Variants in XKR6 observed in about 807,000 individuals in gnomAD.
XKR6 encodes XK-related protein 6.
A neutral mutation model predicts 56.7 loss-of-function variants in XKR6; 22 were observed. The observed-to-expected ratio is 0.39, with a 90% confidence interval of 0.28 to 0.55. The LOEUF is 0.55. Among genes scored for constraint, XKR6 ranks in the 20% least tolerant of loss-of-function variants. The probability of loss-of-function intolerance (pLI) is 0.66; values close to 1 mark genes in which losing one functional copy is unlikely to be tolerated. For missense variants in XKR6, 852 were observed against 889.0 expected, an observed-to-expected ratio of 0.96 and a Z score of 0.53; for synonymous variants, 524 against 387.8, an observed-to-expected ratio of 1.35 and a Z score of -4.13.
At chr8:10,903,412 AC>A (rs922044182) in intron 2 of XKR6, among the ~76,000 whole-genome samples, 1 of 152,062 alleles carries the variant, frequency 6.6e-6, no homozygotes, top group Non-Finnish European at 1.5e-5. Context: ...CCAACTGTGC[AC>A]CTGGTTGTCC....
intron 1 of XKR6, among the ~76,000 whole-genome samples, chr8:10,992,201 A>G (rs150350052): frequency 7.4e-4 from 112 of 152,336 alleles, no homozygotes; most frequent in African/African-American, 2.3e-3. Flanking sequence ...GGAGGTTACA[A>G]CAAATTAATA....
chr8:10,966,932 T>A (rs1802243543), intron 1 of XKR6, among the ~76,000 whole-genome samples: 3 of 152,102 alleles, frequency 2.0e-5, no homozygotes. Context: ...CTCAGTCATC[T>A]TTCAATCTCC....
At chr8:11,154,267 A>T (rs1286308160) in intron 1 of XKR6, among the ~76,000 whole-genome samples, 1 of 152,196 alleles carries the variant, frequency 6.6e-6, no homozygotes, top group Non-Finnish European at 1.5e-5. Context: ...GCAATCAATC[A>T]ATCAAACATG....
intron 2 of XKR6, among the ~76,000 whole-genome samples, chr8:10,911,705 TAG>T (rs923022787): frequency 2.9e-4 from 42 of 146,414 alleles, no homozygotes; most frequent in East Asian, 1.8e-3. Flanking sequence ...TATACACATG[TAG>T]AGAGAGAGAG....
At chr8:11,133,930 G>C (rs1800247928) in intron 1 of XKR6, among the ~76,000 whole-genome samples, 1 of 152,108 alleles carries the variant, frequency 6.6e-6, no homozygotes, top group African/African-American at 2.4e-5. Context: ...CTTTGTCTAT[G>C]GTGCTATTCA....
chr8:11,186,570 G>C (rs76887366), intron 1 of XKR6, among the ~76,000 whole-genome samples: 1 of 152,144 alleles, frequency 6.6e-6, no homozygotes, highest in Non-Finnish European at 1.5e-5. Flanking sequence ...TGTAGAGACA[G>C]GGTCTGCCTA....
chr8:10,995,578 C>A (rs188437442), intron 1 of XKR6, among the ~76,000 whole-genome samples: 3 of 150,300 alleles, frequency 2.0e-5, no homozygotes, highest in African/African-American at 7.4e-5. Flanking sequence ...GTCCCAGCTA[C>A]TTGGGAAGCT....
intron 1 of XKR6, among the ~76,000 whole-genome samples, chr8:11,038,024 T>TAA (rs34286744): frequency 1.8e-3 from 239 of 132,472 alleles, no homozygotes; most frequent in African/African-American, 5.8e-3. Context: ...CAGATATATC[T>TAA]AAAAAAAAAA....
At chr8:11,168,009 G>C (rs1433358179) in intron 1 of XKR6, among the ~76,000 whole-genome samples, 1 of 151,556 alleles carries the variant, frequency 6.6e-6, no homozygotes, top group Non-Finnish European at 1.5e-5. Context: ...AAAATAGTTG[G>C]GAAAAGTCAC....
chr8:11,109,251 C>G (rs1244073800), intron 1 of XKR6: 1 of 152,228 alleles, frequency 6.6e-6, no homozygotes, highest in Non-Finnish European at 1.5e-5. Flanking sequence ...CAAACCCTGA[C>G]TGTATTCATG....
At chr8:10,989,120 G>A (rs904803033) in intron 1 of XKR6, among the ~76,000 whole-genome samples, 5 of 152,338 alleles carry the variant, frequency 3.3e-5, no homozygotes, top group African/African-American at 1.2e-4. Context: ...GCCTAGGAAG[G>A]GCATGAGCTC....
At chr8:11,145,150 C>CA (rs949629047) in intron 1 of XKR6, among the ~76,000 whole-genome samples, 3 of 152,010 alleles carry the variant, frequency 2.0e-5, no homozygotes, top group African/African-American at 7.3e-5. Context: ...ACATGATACT[C>CA]AAAGGAAATG....
chr8:11,002,367 GA>G, intron 1 of XKR6: 1 of 306,054 alleles, frequency 3.3e-6, no homozygotes, highest in South Asian at 3.0e-5. Flanking sequence ...CTTTGCAGGG[GA>G]AGGCTCAGCC....
At chr8:10,927,005 G>A (rs951988520) in intron 1 of XKR6, among the ~76,000 whole-genome samples, 2 of 152,198 alleles carry the variant, frequency 1.3e-5, no homozygotes, top group Non-Finnish European at 2.9e-5. Context: ...GAGCTGAAGG[G>A]GAAAGCAAAG....
intron 1 of XKR6, among the ~76,000 whole-genome samples, chr8:10,929,886 T>A (rs921257727): frequency 6.6e-6 from 1 of 152,166 alleles, no homozygotes; most frequent in African/African-American, 2.4e-5. Context: ...TAGTTCTATC[T>A]CCTTTCCTTA....
In XKR6 at chr8:11,183,812, G is replaced by A. The variant is rs551084667; in HGVS notation, c.764+16764C>T. Among the ~76,000 whole-genome samples the A allele has an allele frequency of 1.6e-4, 24 of 152,168 alleles. No individual in the cohort carries two copies. In the South Asian group the frequency reaches 3.1e-3, roughly 20 times the overall value. ...GTCTGGCCAAGTGGGCTCATGAAGC[G>A]GAAAGGCTCAGGAATAAGGGTTTAA... On this transcript the variant is annotated intron_variant, in intron 1 of 2. Coordinates refer to ENST00000416569, the MANE Select transcript of XKR6 (RefSeq NM_173683.4).
At chr8:11,045,615 G>A (rs976459546) in intron 1 of XKR6, among the ~76,000 whole-genome samples, 6 of 152,204 alleles carry the variant, frequency 3.9e-5, no homozygotes, top group Non-Finnish European at 8.8e-5. Flanking sequence ...ATTAAACAAT[G>A]TGTGTATAGT....
intron 1 of XKR6, among the ~76,000 whole-genome samples, chr8:10,947,502 C>G (rs1801588401): frequency 1.3e-5 from 2 of 152,030 alleles, no homozygotes; most frequent in Non-Finnish European, 2.9e-5. Context: ...CTGAAAACAC[C>G]ATTGCTTAGC....
intron 1 of XKR6, among the ~76,000 whole-genome samples, chr8:11,119,260 T>A (rs1799330799): frequency 6.6e-6 from 1 of 152,198 alleles, no homozygotes; most frequent in Non-Finnish European, 1.5e-5. Context: ...AGGTGTGGTG[T>A]CGTGCTGAAA....
Sources: allele counts gnomAD v4.1 joint callset (sites outside exome capture counted in the v4.1 genomes callset), GRCh38; gene constraint gnomAD v4.1.1; transcripts MANE v1.5; gene names NCBI Gene and HGNC (gene_info 2026-07-23, HGNC 2026-07-21).